Variants in CLBA1 observed in about 807,000 individuals in gnomAD.
CLBA1 encodes the protein clathrin binding box of aftiphilin containing 1.
In CLBA1, 30 loss-of-function variants were observed where a neutral mutation model predicts 28.8. The observed-to-expected ratio is 1.04, with a 90% CI of 0.78 to 1.41. The LOEUF is 1.41. Ranked by LOEUF, CLBA1 falls within the 40% of genes most tolerant of loss-of-function variation. The pLI, the probability that CLBA1 is intolerant of heterozygous loss-of-function variation, is 0.00. For synonymous variants in CLBA1, 160 were observed against 152.8 expected, an observed-to-expected ratio of 1.05 and a Z score of -0.35; for missense variants, 451 against 412.3, an observed-to-expected ratio of 1.09 and a Z score of -0.81.
chr14:104,986,485 A>AG lies in CLBA1; in HGVS notation c.55dup (p.Ala19GlyfsTer11). 1 of 1,613,454 alleles carries AG rather than the reference A, an allele frequency of 6.2e-7. No homozygotes were observed. The highest frequency in any genetic ancestry group is 1.1e-5 in the South Asian group (1 of 91,078). ...AGCCTTTGAGTGACCTCCAGGAGGAAGCAGCCAGCGCTTCCCTCCGAGTGG... is the reference window on the plus strand; with the variant it reads ...AGCCTTTGAGTGACCTCCAGGAGGAAGGCAGCCAGCGCTTCCCTCCGAGTGG... On this transcript the variant is annotated frameshift_variant, in exon 1 of 5. Coordinates refer to ENST00000547315, the MANE Select transcript of CLBA1 (RefSeq NM_174891.4). LOFTEE classifies it high-confidence loss of function.
In CLBA1 at chr14:104,986,427, C is replaced by T. The variant is rs1003742369; in HGVS notation, c.-5C>T. On this transcript the variant is annotated 5_prime_UTR_variant, in exon 1 of 5. Coordinates refer to ENST00000547315, the MANE Select transcript of CLBA1 (RefSeq NM_174891.4). The stretch of plus-strand genomic sequence containing the variant: ...TCGGGCCTCTGCTGGCCTGGGGGCT[C>T]CAAGATGCAAGGCCGGCGGGAGCTG... The T allele has an allele frequency of 1.9e-6, 3 of 1,611,300 alleles. No individual in the cohort carries two copies. Among genetic ancestry groups the T allele is most frequent in the Non-Finnish European group, 2.5e-6 (3 of 1,179,600 alleles).
At position 104,995,177 on chromosome 14, in the gene CLBA1, G is replaced by C. The variant is rs942725673; in HGVS notation, c.*418G>C. ...GGGAAGGCACTGAAACGTCACCAGAGAGACAGCTGTTGAGACCGCTCAGAA... is the reference window on the plus strand; with the variant it reads ...GGGAAGGCACTGAAACGTCACCAGACAGACAGCTGTTGAGACCGCTCAGAA... On this transcript the variant is annotated 3_prime_UTR_variant, in exon 5 of 5. Coordinates refer to ENST00000547315, the MANE Select transcript of CLBA1 (RefSeq NM_174891.4). 1 of 989,048 alleles carries C rather than the reference G, an allele frequency of 1.0e-6. No homozygotes were observed. The highest frequency in any genetic ancestry group is 1.7e-5 in the African/African-American group (1 of 57,260). The allele number at this position is 989,048 out of a possible 1,614,324, so 61.3% of individuals were successfully genotyped here. A position where few individuals can be genotyped will look rare whatever the true frequency, so the allele number is the denominator to read the frequency against.
chr14:104,990,756 G>A (rs1363399254), intron 2 of CLBA1: 1 of 152,430 alleles, frequency 6.6e-6, no homozygotes, highest in Non-Finnish European at 1.5e-5. Flanking sequence ...CTCGTAGTTT[G>A]GGAGCATCTG....
In CLBA1 at chr14:104,994,625, G is replaced by A. The variant is rs772596170; in HGVS notation, c.844G>A (p.Gly282Arg). The A allele has an allele frequency of 1.2e-6, 2 of 1,612,166 alleles. No homozygotes were observed. Among genetic ancestry groups the A allele is most frequent in the Non-Finnish European group, 1.7e-6 (2 of 1,179,852 alleles). Residue 282 changes from glycine (G) to arginine (R), a missense_variant, in exon 5 of 5, where the codon GGG (glycine) becomes AGG (arginine). Physicochemically the swap from Gly to Arg is moderately radical, Grantham distance 125. Coordinates refer to ENST00000547315, the MANE Select transcript of CLBA1 (RefSeq NM_174891.4). ...KLSGPPGSKQ[G>R]RLMTCSRFLK... is the part of the protein sequence containing the mutation. Reference sequence around the variant, plus strand: ...CTCGGGGCCGCCTGGCAGCAAACAGGGGAGGCTGATGACATGCAGCCGCTT... The same window carrying A: ...CTCGGGGCCGCCTGGCAGCAAACAGAGGAGGCTGATGACATGCAGCCGCTT...
chr14:104,996,053 G>A (rs1900150771), downstream of CLBA1, among the ~76,000 whole-genome samples: 1 of 152,228 alleles, frequency 6.6e-6, no homozygotes, highest in Non-Finnish European at 1.5e-5. Flanking sequence ...CCCACTCCAA[G>A]ATTCGGGTTC....
chr14:104,988,825 C>T, intron 1 of CLBA1, 118 bp from the exon 2 acceptor site: 1 of 1,059,988 alleles, frequency 9.4e-7, no homozygotes, highest in Non-Finnish European at 1.3e-6. Context: ...GTGATAGTAA[C>T]ACTAATGGTA....
chr14:104,991,584 C>T lies in CLBA1; in HGVS notation c.663C>T (p.Asn221=). ...GGAGCGAGTCCCGTTGCCAGGAGAA[C>T]TTCTTTCTTGTTCTCGGAATAGATG... ...RLWSESRCQE[N]FFLVLGIDAA... is the part of the protein sequence containing the mutation. The change falls in exon 3 of 5, where the codon AAC becomes AAT. Residue 221 remains asparagine (N), a synonymous_variant. Coordinates refer to ENST00000547315, the MANE Select transcript of CLBA1 (RefSeq NM_174891.4). 2 of 1,613,622 alleles carry T rather than the reference C, an allele frequency of 1.2e-6. No homozygotes were observed. Among genetic ancestry groups the T allele is most frequent in the South Asian group, 1.1e-5 (1 of 91,052 alleles).
At chr14:104,993,452 C>T (rs527552676) in intron 4 of CLBA1, 20 of 985,380 alleles carry the variant, frequency 2.0e-5, no homozygotes, top group South Asian at 1.9e-4. Flanking sequence ...GGGCAGCTGT[C>T]GTGAACGGAT....
chr14:105,000,960 A>C (rs10136468), intron 2 of CLBA1, among the ~76,000 whole-genome samples: 11,213 of 151,944 alleles, frequency 0.074, 1,439 homozygotes, highest in African/African-American at 0.26. Context: ...TGTTTATTGC[A>C]GCACTAGTCA....
chr14:104,996,234 T>C (rs529626991), downstream of CLBA1, among the ~76,000 whole-genome samples: 5 of 152,222 alleles, frequency 3.3e-5, no homozygotes, highest in African/African-American at 1.2e-4. Flanking sequence ...TGGCACCCAC[T>C]AGAGAAGAGA....
intron 4 of CLBA1, chr14:104,994,364 T>C (rs1900115896): frequency 3.0e-6 from 3 of 985,426 alleles, no homozygotes; most frequent in Non-Finnish European, 3.6e-6. Context: ...GGCCCACTGC[T>C]GTCTTCGGGG....
At chr14:104,992,679 G>A (rs1284115824) in intron 3 of CLBA1, among the ~76,000 whole-genome samples, 1 of 152,240 alleles carries the variant, frequency 6.6e-6, no homozygotes, top group Non-Finnish European at 1.5e-5. Context: ...GCGGCAGCCT[G>A]AAGGGTGTGT....
rs1595446047 is a variant in CLBA1 at position 104,994,856 on chromosome 14, A to T, written c.*97A>T. The T allele has an allele frequency of 6.7e-7, 1 of 1,490,568 alleles. No individual in the cohort carries two copies. The highest frequency in any genetic ancestry group is 1.4e-5 in the African/African-American group (1 of 70,798). 92.3% of individuals were successfully genotyped at this position (1,490,568 alleles called of 1,614,324 possible). On this transcript the variant is annotated 3_prime_UTR_variant, in exon 5 of 5. Transcript: ENST00000547315. ...AGCTGTCTGTGGAGCTGTTTTCCAG[A>T]CCCCAGGCCCATTCCTGGGATCTCT... is the stretch of plus-strand genomic sequence containing the variant.
In CLBA1 at chr14:104,991,495, G is replaced by A. The variant is rs773403796; in HGVS notation, c.574G>A (p.Glu192Lys). 1.5e-5 allele frequency: 25 copies of A among 1,613,700 alleles called. No individual in the cohort carries two copies. The highest frequency in any genetic ancestry group is 1.0e-4 in the Admixed American group (6 of 60,010). The change falls in exon 3 of 5, where the codon GAA (glutamate) becomes AAA (lysine). Residue 192 changes from glutamate to lysine, a missense_variant. Transcript: ENST00000547315. The part of the protein sequence containing the change: ...GVERVHKLCN[E>K]SRKLWRALQS... Reference sequence around the variant, plus strand: ...ACAAGTGCATCTGTTTTCCAGTAACGAATCCAGAAAACTCTGGAGAGCCCT... The same window carrying A: ...ACAAGTGCATCTGTTTTCCAGTAACAAATCCAGAAAACTCTGGAGAGCCCT...
rs1423802271 is a variant in CLBA1 at position 104,986,444 on chromosome 14, CGGGAGCTGGGGG to C, written c.15_26del (p.Leu7_Glu10del). 8.7e-6 allele frequency: 14 copies of C among 1,612,418 alleles called. No individual in the cohort carries two copies. The highest frequency in any genetic ancestry group is 1.2e-5 in the Non-Finnish European group (14 of 1,179,864). ...TGGGGGCTCCAAGATGCAAGGCCGG[CGGGAGCTGGGGG>C]GAGAGCCTTTGAGTGACCTCCAGGA... On this transcript the variant is annotated inframe_deletion, in exon 1 of 5. Coordinates refer to ENST00000547315, the MANE Select transcript of CLBA1 (RefSeq NM_174891.4).
chr14:104,986,696 G>A lies in CLBA1; in HGVS notation c.265G>A (p.Ala89Thr). The A allele has an allele frequency of 6.2e-7, 1 of 1,614,128 alleles. No homozygotes were observed. Among genetic ancestry groups the A allele is most frequent in the Non-Finnish European group, 8.5e-7 (1 of 1,180,012 alleles). Residue 89 changes from alanine to threonine, a missense_variant, in exon 1 of 5, where the codon GCC (alanine) becomes ACC (threonine). By Grantham distance (58) the Ala-to-Thr change is moderately conservative (BLOSUM62 0). Coordinates refer to ENST00000547315, the MANE Select transcript of CLBA1 (RefSeq NM_174891.4). ...GEFEGFRESS[A>T]KSGQFSQSLE... Reference sequence around the variant, plus strand: ...GTTTGAAGGCTTTCGGGAATCTTCAGCCAAGTCTGGACAATTCTCACAGTC... The same window carrying A: ...GTTTGAAGGCTTTCGGGAATCTTCAACCAAGTCTGGACAATTCTCACAGTC...
chr14:104,999,748 T>C (rs985054877), downstream of CLBA1, among the ~76,000 whole-genome samples: 7 of 152,136 alleles, frequency 4.6e-5, no homozygotes, highest in Admixed American at 1.3e-4. Flanking sequence ...ACTTAGTAAT[T>C]GAAACTGAAT....
intron 4 of CLBA1, 71 bp from the exon 5 acceptor site, chr14:104,994,527 G>T: frequency 6.6e-7 from 1 of 1,518,034 alleles, no homozygotes; most frequent in East Asian, 2.3e-5. Flanking sequence ...GGGCGGCCAG[G>T]GGCAAACGCC....
At chr14:104,996,686 C>T (rs538473033), downstream of CLBA1, among the ~76,000 whole-genome samples, 3 of 152,326 alleles carry the variant, frequency 2.0e-5, no homozygotes, top group Non-Finnish European at 2.9e-5. Context: ...GACGGCAGTC[C>T]GGCTGAAGAA....
Sources: gnomAD v4.1 joint callset for allele counts (sites outside exome capture counted in the v4.1 genomes callset) on GRCh38, gnomAD v4.1.1 for gene constraint, MANE v1.5 for transcripts, NCBI Gene and HGNC (gene_info 2026-07-23, HGNC 2026-07-21) for gene names.